Variants in SEMA5A observed in about 807,000 individuals in gnomAD.
The protein encoded by SEMA5A is semaphorin-5A.
Under a neutral mutation model 135.5 loss-of-function variants are expected in SEMA5A, and 55 were observed. The observed-to-expected ratio is 0.41, with a 90% CI of 0.33 to 0.51. The LOEUF (loss-of-function observed/expected upper bound fraction) is 0.51. Ranked by LOEUF, SEMA5A falls within the 20% of genes least tolerant of loss-of-function variation. SEMA5A has a pLI of 0.37. For missense variants in SEMA5A, 1,290 were observed against 1,419.9 expected (o/e 0.91, Z 1.47); for synonymous variants, 580 against 546.5 (o/e 1.06, Z -0.85).
intron 3 of SEMA5A, among the ~76,000 whole-genome samples, chr5:9,378,844 A>ATTTG (rs113254184): frequency 0.038 from 5,748 of 152,106 alleles, 116 homozygotes; most frequent in Middle Eastern, 0.092. Context: ...ATCATTTATT[A>ATTTG]TTTGTTTGTT....
At chr5:9,238,002 G>C (rs1051522275) in intron 5 of SEMA5A, 112 bp from the exon 6 acceptor site, 5 of 860,628 alleles carry the variant, frequency 5.8e-6, no homozygotes, top group Non-Finnish European at 9.4e-6. Context: ...GCTGCATCCT[G>C]GCACCAACAT....
At chr5:9,130,123 A>G (rs1045021169) in intron 13 of SEMA5A, among the ~76,000 whole-genome samples, 1 of 152,184 alleles carries the variant, frequency 6.6e-6, no homozygotes, top group Non-Finnish European at 1.5e-5. Context: ...AGCACCATCT[A>G]CAATCCTATA....
chr5:9,202,027 T>A lies in SEMA5A; in HGVS notation c.860A>T (p.Tyr287Phe), dbSNP rs1209651278. 1 of 1,614,124 alleles carries A rather than the reference T, an allele frequency of 6.2e-7. No homozygotes were observed. The highest frequency in any genetic ancestry group is 1.7e-5 in the Admixed American group (1 of 60,020). The change falls in exon 9 of 23, where the codon TAC becomes TTC. Residue 287 changes from tyrosine (Y) to phenylalanine (F), a missense_variant. By Grantham distance (22) the Tyr-to-Phe change is conservative (BLOSUM62 3). This residue lies in a region of SEMA5A where 1,029 missense variants were observed against 1,086.6 expected (regional missense o/e 0.95). Coordinates refer to ENST00000382496, the MANE Select transcript of SEMA5A (RefSeq NM_003966.3). ...GAAAGTACTCTGCAATTCGTTGTAGTAAAAGGGGACTTCCCCAGGACGGGA... is the reference window on the plus strand; with the variant it reads ...GAAAGTACTCTGCAATTCGTTGTAGAAAAAGGGGACTTCCCCAGGACGGGA... ...NCSRPGEVPFYYNELQSTFFL... is the reference protein window; with the variant it reads ...NCSRPGEVPFFYNELQSTFFL...
chr5:9,328,575 T>C (rs1378614010), intron 4 of SEMA5A, among the ~76,000 whole-genome samples: 1 of 152,042 alleles, frequency 6.6e-6, no homozygotes, highest in African/African-American at 2.4e-5. Flanking sequence ...GGTCAGGAGT[T>C]CGAGACCAGC....
chr5:9,108,764 G>A (rs1025358685), intron 15 of SEMA5A, among the ~76,000 whole-genome samples: 1 of 152,142 alleles, frequency 6.6e-6, no homozygotes, highest in Non-Finnish European at 1.5e-5. Context: ...AGAAAAGTTA[G>A]AGCATGGGAT....
At chr5:9,353,123 A>AAAGGG in intron 3 of SEMA5A, among the ~76,000 whole-genome samples, 1 of 69,484 alleles carries the variant, frequency 1.4e-5, no homozygotes, top group Admixed American at 1.6e-4. Context: ...AAAGGAAAGG[A>AAAGGG]AAGGAAAGGA....
At chr5:9,309,573 T>A (rs1989993) in intron 5 of SEMA5A, among the ~76,000 whole-genome samples, 103,302 of 151,984 alleles carry the variant, frequency 0.68, 38,177 homozygotes, top group Non-Finnish European at 0.83. Context: ...AGGCATGGAT[T>A]GAAGACGGGA....
chr5:9,528,632 G>A (rs1399820481), intron 1 of SEMA5A, among the ~76,000 whole-genome samples: 1 of 152,128 alleles, frequency 6.6e-6, no homozygotes, highest in Non-Finnish European at 1.5e-5. Context: ...TTCCCATAAG[G>A]ACAGAGAGGC....
At chr5:9,256,565 T>C (rs1749078339) in intron 5 of SEMA5A, among the ~76,000 whole-genome samples, 2 of 152,236 alleles carry the variant, frequency 1.3e-5, no homozygotes, top group Non-Finnish European at 2.9e-5. Context: ...ATCACATCAC[T>C]GCATTTGAAT....
rs146468380 is a variant in SEMA5A, at chr5:9,044,418, G to T, written c.3060C>A (p.Asn1020Lys). The T allele has an allele frequency of 6.2e-7, 1 of 1,613,862 alleles. No individual in the cohort carries two copies. Among genetic ancestry groups the T allele is most frequent in the East Asian group, 2.2e-5 (1 of 44,878 alleles). The change falls in exon 22 of 23, where the codon AAC becomes AAA. Residue 1020 changes from asparagine to lysine, a missense_variant. Transcript: ENST00000382496. The part of the protein sequence containing the change: ...SPAPLNTSIT[N>K]HINKLDKYDS... ...CGTACTTGTCCAGTTTGTTGATGTG[G>T]TTGGTTATGCTGGTATTAAGGGGGG...
intron 1 of SEMA5A, among the ~76,000 whole-genome samples, chr5:9,453,643 GGTTA>G (rs1434896443): frequency 6.6e-6 from 1 of 152,170 alleles, no homozygotes; most frequent in Non-Finnish European, 1.5e-5. Flanking sequence ...CTTGAAACAA[GGTTA>G]TTTATTGATC....
At chr5:9,113,959 C>A (rs533334914) in intron 15 of SEMA5A, among the ~76,000 whole-genome samples, 1 of 152,226 alleles carries the variant, frequency 6.6e-6, no homozygotes, top group East Asian at 1.9e-4. Flanking sequence ...ACAGTATACA[C>A]AAAAAAGTTA....
In SEMA5A at chr5:9,123,103, A is replaced by C. The variant is rs143559425; in HGVS notation, c.1600-266T>G. On this transcript the variant is annotated intron_variant, in intron 13 of 22. Transcript: ENST00000382496. ...CCCCGTCTCCACTAAAAATACAAAA[A>C]ATTAGCCTGGCATGGTGGCGGGTGC... is the stretch of plus-strand genomic sequence containing the variant. 8.7e-4 allele frequency among the ~76,000 whole-genome samples: 132 copies of C among 151,176 alleles called. 2 individuals are homozygous for C. The highest frequency in any genetic ancestry group is 2.8e-3 in the African/African-American group (117 of 41,224).
intron 4 of SEMA5A, among the ~76,000 whole-genome samples, chr5:9,323,633 T>A (rs1369258960): frequency 1.3e-5 from 2 of 151,286 alleles, no homozygotes; most frequent in South Asian, 2.1e-4. Context: ...AGTTGGTAGG[T>A]GCTTTTAAAT....
chr5:9,059,883 C>T (rs896088929), intron 18 of SEMA5A, among the ~76,000 whole-genome samples: 4 of 152,160 alleles, frequency 2.6e-5, no homozygotes, highest in Non-Finnish European at 5.9e-5. Flanking sequence ...AATGAGGAAA[C>T]ATATTTTTAA....
chr5:9,300,225 G>C (rs573883048), intron 5 of SEMA5A, among the ~76,000 whole-genome samples: 1 of 151,990 alleles, frequency 6.6e-6, no homozygotes, highest in Non-Finnish European at 1.5e-5. Flanking sequence ...ACAGGGTTTC[G>C]CCATGTTACC....
At chr5:9,532,269 CTT>C (rs4002530) in intron 1 of SEMA5A, among the ~76,000 whole-genome samples, 48,818 of 146,216 alleles carry the variant, frequency 0.33, 7,992 homozygotes, top group East Asian at 0.41. Flanking sequence ...AATCAATGAA[CTT>C]TTTTTTTTTT....
chr5:9,146,696 C>T (rs1742356771), intron 12 of SEMA5A, among the ~76,000 whole-genome samples: 1 of 152,142 alleles, frequency 6.6e-6, no homozygotes, highest in Admixed American at 6.5e-5. Context: ...TCTTATTACA[C>T]TCTGAGTCCT....
chr5:9,514,130 C>T (rs1237367663), intron 1 of SEMA5A, among the ~76,000 whole-genome samples: 1 of 152,166 alleles, frequency 6.6e-6, no homozygotes, highest in Non-Finnish European at 1.5e-5. Context: ...CTTCCATCTA[C>T]AAGGGAGGAG....
Sources: gnomAD v4.1 joint callset for allele counts (sites outside exome capture counted in the v4.1 genomes callset) on GRCh38, gnomAD v4.1.1 for gene constraint, gnomAD v4.1.1 regional missense constraint, MANE v1.5 for transcripts, NCBI Gene and HGNC (gene_info 2026-07-23, HGNC 2026-07-21) for gene names.